TMEM163: variants seen among roughly 807,000 people sequenced by gnomAD.
TMEM163 encodes the protein transmembrane protein 163.
Under a neutral mutation model 29.3 loss-of-function variants are expected in TMEM163, and 17 were observed. The ratio of observed to expected loss-of-function variants is 0.58; its 90% confidence interval spans 0.40 to 0.87. The LOEUF is 0.87. TMEM163 is among the 40% of genes least tolerant of loss of function. The probability of loss-of-function intolerance (pLI) is 0.00; values close to 1 mark genes in which losing one functional copy is unlikely to be tolerated. For synonymous variants in TMEM163, 157 were observed against 160.6 expected (o/e 0.98, Z 0.17); for missense variants, 303 against 381.5 (o/e 0.79, Z 1.71).
intron 2 of TMEM163, among the ~76,000 whole-genome samples, chr2:134,557,536 C>G (rs543507511): frequency 6.6e-6 from 1 of 152,298 alleles, no homozygotes; most frequent in East Asian, 1.9e-4. Context: ...TATATTCGTT[C>G]TGTTCGGAAA....
chr2:134,671,739 C>A (rs1188402796), intron 2 of TMEM163, among the ~76,000 whole-genome samples: 2 of 152,200 alleles, frequency 1.3e-5, no homozygotes, highest in African/African-American at 4.8e-5. Flanking sequence ...TGGGCCACAG[C>A]CCCACCCCTG....
intron 4 of TMEM163, among the ~76,000 whole-genome samples, chr2:134,544,425 A>G (rs1279497061): frequency 6.6e-6 from 1 of 152,114 alleles, no homozygotes; most frequent in African/African-American, 2.4e-5. Context: ...AAATGACCCA[A>G]CTGAAGAGAC....
chr2:134,676,162 A>G (rs1684110114), intron 2 of TMEM163, among the ~76,000 whole-genome samples: 1 of 152,170 alleles, frequency 6.6e-6, no homozygotes, highest in Admixed American at 6.5e-5. Flanking sequence ...GCCAATTTCT[A>G]TGGTGTAAAT....
chr2:134,550,462 TCTC>T (rs1402517161), intron 4 of TMEM163, 105 bp downstream of exon 4: 2 of 1,049,938 alleles, frequency 1.9e-6, no homozygotes, highest in African/African-American at 3.1e-5. Flanking sequence ...GGGACCTTCT[TCTC>T]ATCACTGGGA....
intron 1 of TMEM163, among the ~76,000 whole-genome samples, chr2:134,717,705 G>T (rs1376604498): frequency 6.6e-6 from 1 of 152,226 alleles, no homozygotes; most frequent in African/African-American, 2.4e-5. Flanking sequence ...CTGGCTGCAA[G>T]AATCCCTCTT....
chr2:134,717,542 G>A (rs1303302673), intron 1 of TMEM163, among the ~76,000 whole-genome samples: 1 of 152,098 alleles, frequency 6.6e-6, no homozygotes, highest in South Asian at 2.1e-4. Flanking sequence ...TCGTGCATCC[G>A]AACACTAAAC....
chr2:134,503,304 C>A (rs1323901909), intron 4 of TMEM163, among the ~76,000 whole-genome samples: 2 of 152,196 alleles, frequency 1.3e-5, no homozygotes, highest in African/African-American at 2.4e-5. Flanking sequence ...CCTTGCCTGG[C>A]AAATGTGATG....
intron 2 of TMEM163, among the ~76,000 whole-genome samples, chr2:134,603,410 G>A (rs971906817): frequency 2.6e-5 from 4 of 152,240 alleles, no homozygotes; most frequent in East Asian, 1.9e-4. Flanking sequence ...AATGGCAAGC[G>A]GACAGACCTG....
intron 1 of TMEM163, among the ~76,000 whole-genome samples, chr2:134,715,911 G>A (rs898567366): frequency 2.0e-5 from 3 of 152,114 alleles, no homozygotes; most frequent in African/African-American, 7.2e-5. Context: ...TGCAATTTTG[G>A]CCTGGGAATA....
chr2:134,519,174 G>A (rs1024077822), intron 4 of TMEM163, among the ~76,000 whole-genome samples: 1 of 152,182 alleles, frequency 6.6e-6, no homozygotes, highest in Non-Finnish European at 1.5e-5. Context: ...AGACTTAAAG[G>A]CAAGGCTATC....
At chr2:134,658,395 C>G (rs1292097030) in intron 2 of TMEM163, among the ~76,000 whole-genome samples, 2 of 152,098 alleles carry the variant, frequency 1.3e-5, no homozygotes, top group African/African-American at 4.8e-5. Context: ...CCCACCAGCA[C>G]TACGTAGAAA....
chr2:134,466,527 C>T, intron 5 of TMEM163: 1 of 288,060 alleles, frequency 3.5e-6, no homozygotes, highest in South Asian at 4.2e-5. Context: ...AGATCAATAA[C>T]AGAGTTGGTC....
intron 2 of TMEM163, among the ~76,000 whole-genome samples, chr2:134,557,728 G>T (rs1227571639): frequency 6.6e-6 from 1 of 152,214 alleles, no homozygotes; most frequent in African/African-American, 2.4e-5. Context: ...GGCAGAGGAA[G>T]CAATTGGATA....
chr2:134,466,888 A>G (rs2106474554), intron 5 of TMEM163: 1 of 152,352 alleles, frequency 6.6e-6, no homozygotes, highest in Non-Finnish European at 1.5e-5. Context: ...TATTCTCCTG[A>G]CATTGGGGCC....
intron 2 of TMEM163, among the ~76,000 whole-genome samples, chr2:134,685,036 T>A (rs1416419270): frequency 6.6e-6 from 1 of 152,080 alleles, no homozygotes; most frequent in African/African-American, 2.4e-5. Context: ...TCAAACTTCA[T>A]GTCCACACCT....
chr2:134,641,638 G>A (rs1329912097), intron 2 of TMEM163, among the ~76,000 whole-genome samples: 1 of 151,904 alleles, frequency 6.6e-6, no homozygotes, highest in Non-Finnish European at 1.5e-5. Flanking sequence ...AATTAAAATG[G>A]AACGCTAAAA....
chr2:134,699,822 T>A (rs1684659116), intron 2 of TMEM163, among the ~76,000 whole-genome samples: 1 of 152,214 alleles, frequency 6.6e-6, no homozygotes, highest in Non-Finnish European at 1.5e-5. Flanking sequence ...TTCACAAATG[T>A]TTTATCTTCT....
chr2:134,526,394 T>C (rs1366159516), intron 4 of TMEM163, among the ~76,000 whole-genome samples: 1 of 152,016 alleles, frequency 6.6e-6, no homozygotes, highest in Non-Finnish European at 1.5e-5. Flanking sequence ...CCCACCAAAA[T>C]TCAACACAAT....
At chr2:134,540,030 G>T (rs577987424) in intron 4 of TMEM163, among the ~76,000 whole-genome samples, 76 of 152,332 alleles carry the variant, frequency 5.0e-4, no homozygotes, top group African/African-American at 1.7e-3. Flanking sequence ...GCAGAAGATG[G>T]AAGGATGCCA....
Sources: allele counts gnomAD v4.1 joint callset (sites outside exome capture counted in the v4.1 genomes callset), GRCh38; gene constraint gnomAD v4.1.1; transcripts MANE v1.5; gene names NCBI Gene and HGNC (gene_info 2026-07-23, HGNC 2026-07-21).